SETD1A: variants seen among roughly 807,000 people sequenced by gnomAD.
The protein encoded by SETD1A is SET domain containing 1A, histone lysine methyltransferase.
In SETD1A, 29 loss-of-function variants were observed where a neutral mutation model predicts 149.9. The observed-to-expected ratio is 0.19, with a 90% CI of 0.14 to 0.26. The LOEUF (loss-of-function observed/expected upper bound fraction) is 0.26, where lower values mean the gene tolerates loss of function less well. Among genes scored for constraint, SETD1A ranks in the 10% least tolerant of loss-of-function variants. The pLI, the probability that SETD1A is intolerant of heterozygous loss-of-function variation, is 1.00. For missense variants in SETD1A, 2,109 were observed against 2,353.1 expected (o/e 0.90, Z 2.15); for synonymous variants, 1,141 against 968.5 (o/e 1.18, Z -3.31).
In SETD1A at chr16:30,969,644, G is replaced by C; in HGVS notation, c.2971G>C (p.Glu991Gln). The C allele has an allele frequency of 6.2e-7, 1 of 1,614,246 alleles. No homozygotes were observed. The highest frequency in any genetic ancestry group is 8.5e-7 in the Non-Finnish European group (1 of 1,180,034). Residue 991 changes from glutamate to glutamine, a missense_variant, in exon 12 of 19, where the codon GAG (glutamate) becomes CAG (glutamine). Transcript: ENST00000262519. ...GGAAGATGAGGAAGATGAAGATCGA[G>C]AGGAAGCTGTGGATACCACAAAGAA... ...DEEDEEDEDREEAVDTTKKET... is the reference protein window; with the variant it reads ...DEEDEEDEDRQEAVDTTKKET...
chr16:30,967,121 T>G, intron 9 of SETD1A, 61 bp downstream of exon 9: 4 of 1,250,416 alleles, frequency 3.2e-6, no homozygotes, highest in Non-Finnish European at 4.4e-6. Context: ...CCCCCTTCCT[T>G]GGGGTAGGGG....
chr16:30,983,621 T>C lies in SETD1A; in HGVS notation c.4813-14T>C. The stretch of plus-strand genomic sequence containing the variant: ...GGGGGACTCTTCCCTGACCATCGCA[T>C]CTCACCCTGGCAGATGGTGGCCGAC... On this transcript the variant is annotated splice_polypyrimidine_tract_variant and intron_variant, in intron 17 of 18. Coordinates refer to ENST00000262519, the MANE Select transcript of SETD1A (RefSeq NM_014712.3). The surrounding 1 kb of genome is among the most constrained non-coding windows in gnomAD (Gnocchi z 6.8). 1 of 1,609,952 alleles carries C rather than the reference T, an allele frequency of 6.2e-7. No individual in the cohort carries two copies. The highest frequency in any genetic ancestry group is 8.5e-7 in the Non-Finnish European group (1 of 1,178,976).
At chr16:30,971,804 A>C in intron 13 of SETD1A, 85 bp downstream of exon 13, 1 of 1,443,820 alleles carries the variant, frequency 6.9e-7, no homozygotes, top group East Asian at 2.5e-5. Context: ...ATTGTGTACA[A>C]GTGTGTGACT....
At chr16:30,960,701 C>T (rs1206621597) in intron 3 of SETD1A, among the ~76,000 whole-genome samples, 3 of 143,244 alleles carry the variant, frequency 2.1e-5, no homozygotes, top group African/African-American at 4.9e-5. Context: ...TATATTTATT[C>T]CTCAGTGTGT....
intron 3 of SETD1A, 87 bp downstream of exon 3, chr16:30,959,273 C>A: frequency 2.2e-6 from 2 of 907,736 alleles, no homozygotes; most frequent in Non-Finnish European, 1.9e-6. Context: ...AAAGGGTTTC[C>A]AATGAAAGGA....
chr16:30,969,904 G>C (rs2056203122), intron 12 of SETD1A, among the ~76,000 whole-genome samples: 1 of 152,304 alleles, frequency 6.6e-6, no homozygotes. Context: ...TCCCTCTTCT[G>C]CTGAGACATA....
chr16:30,969,807 T>G, intron 12 of SETD1A, 118 bp downstream of exon 12: 1 of 787,084 alleles, frequency 1.3e-6, no homozygotes, highest in Admixed American at 2.0e-5. Flanking sequence ...CTTTGCCTTC[T>G]GCAAGGGCAT....
chr16:30,973,313 C>T (rs1029800926), intron 13 of SETD1A, among the ~76,000 whole-genome samples: 22 of 152,080 alleles, frequency 1.4e-4, no homozygotes, highest in African/African-American at 5.1e-4. Flanking sequence ...TCTTAAGTGG[C>T]TATTGTAGAA....
chr16:30,960,543 G>A (rs957854589), intron 3 of SETD1A, among the ~76,000 whole-genome samples: 4 of 152,050 alleles, frequency 2.6e-5, no homozygotes, highest in African/African-American at 9.7e-5. Context: ...CCACTGGGTC[G>A]TGTTGTGTTT....
chr16:30,981,252 G>C, intron 17 of SETD1A, 72 bp downstream of exon 17: 1 of 1,583,386 alleles, frequency 6.3e-7, no homozygotes, highest in Admixed American at 1.7e-5. Context: ...CACACATGCT[G>C]TTTGTCCGGT....
Position 30,965,752 on chromosome 16 carries a change from G to A in SETD1A, c.1871G>A (p.Gly624Asp), listed in dbSNP as rs1320434514. 6.3e-7 allele frequency: 1 copy of A among 1,581,800 alleles called. No individual in the cohort carries two copies. Among genetic ancestry groups the A allele is most frequent in the African/African-American group, 1.4e-5 (1 of 72,516 alleles). ...CCCTACCTGGCGTCCCTTCCTCTTGGTTATCCTCCCCACCAACCTGCCTAC... is the reference window on the plus strand; with the variant it reads ...CCCTACCTGGCGTCCCTTCCTCTTGATTATCCTCCCCACCAACCTGCCTAC... ...PPPYLASLPL[G>D]YPPHQPAYLL... Residue 624 changes from glycine to aspartate, a missense_variant, in exon 8 of 19, where the codon GGT (glycine) becomes GAT (aspartate). Gly to Asp is a moderately conservative substitution (Grantham distance 94, BLOSUM62 -1). Around this residue, in one of 8 missense-constraint regions of SETD1A, gnomAD observed 431 missense variants for 388.6 expected, o/e 1.11. Coordinates refer to ENST00000262519, the MANE Select transcript of SETD1A (RefSeq NM_014712.3).
Position 30,980,319 on chromosome 16 carries a change from G to C in SETD1A, c.4408+125G>C. The stretch of plus-strand genomic sequence containing the variant: ...CCAAGCCATCTTTTCTCTCCTCCTG[G>C]TGCCTCTTTTCTGCCTTCCAAAGCA... On this transcript the variant is annotated intron_variant, in intron 14 of 18. Coordinates refer to ENST00000262519, the MANE Select transcript of SETD1A (RefSeq NM_014712.3). This position sits in a 1 kb window ranked among gnomAD's most constrained non-coding sequence, Gnocchi z 7.7. The C allele has an allele frequency of 2.1e-6, 3 of 1,437,442 alleles. No homozygotes were observed. The highest frequency in any genetic ancestry group is 2.8e-6 in the Non-Finnish European group (3 of 1,077,300). 89.0% of individuals were successfully genotyped at this position (1,437,442 alleles called of 1,614,324 possible).
At chr16:30,963,605 G>A (rs763688239) in intron 5 of SETD1A, 51 bp downstream of exon 5, 23 of 1,566,454 alleles carry the variant, frequency 1.5e-5, no homozygotes, top group Middle Eastern at 3.5e-4. Flanking sequence ...CATGGTGTCC[G>A]GGTGCCCGGA....
rs745509675 is a variant in SETD1A, at chr16:30,959,197, G to A, written c.246+11G>A. The stretch of plus-strand genomic sequence containing the variant: ...GTCCCTAAGTTTAAGGTAAGTGTCT[G>A]CTGGGCTCCTGGTGTGGTAGTCCTA... On this transcript the variant is annotated intron_variant, in intron 3 of 18. Transcript: ENST00000262519. 7 of 1,555,230 alleles carry A rather than the reference G, an allele frequency of 4.5e-6. No homozygotes were observed. Among genetic ancestry groups the A allele is most frequent in the Non-Finnish European group, 6.2e-6 (7 of 1,126,382 alleles).
chr16:30,961,226 T>A lies in SETD1A; in HGVS notation c.247-41T>A. 1.2e-6 allele frequency: 2 copies of A among 1,600,664 alleles called. No individual in the cohort carries two copies. The highest frequency in any genetic ancestry group is 8.5e-7 in the Non-Finnish European group (1 of 1,170,972). ...TTCCCGAAGGACAAAGGAACAGTGG[T>A]CAGTGTTGAGACCCCATACCAACTC... On this transcript the variant is annotated intron_variant, in intron 3 of 18. Coordinates refer to ENST00000262519, the MANE Select transcript of SETD1A (RefSeq NM_014712.3). The surrounding 1 kb of genome is among the most constrained non-coding windows in gnomAD (Gnocchi z 4.0).
rs1403769992 is a variant in SETD1A at position 30,983,057 on chromosome 16, C to G, written c.4813-578C>G. 6.6e-6 allele frequency among the ~76,000 whole-genome samples: 1 copy of G among 152,102 alleles called. No homozygotes were observed. Among genetic ancestry groups the G allele is most frequent in the Non-Finnish European group, 1.5e-5 (1 of 68,016 alleles). On this transcript the variant is annotated intron_variant, in intron 17 of 18. Coordinates refer to ENST00000262519, the MANE Select transcript of SETD1A (RefSeq NM_014712.3). This position sits in a 1 kb window ranked among gnomAD's most constrained non-coding sequence, Gnocchi z 6.8. Reference sequence around the variant, plus strand: ...CTGGAAATGGAAGTTTGGGAGGAGTCCCCACCACATAGCTGGCGGCTGAGG... The same window carrying G: ...CTGGAAATGGAAGTTTGGGAGGAGTGCCCACCACATAGCTGGCGGCTGAGG...
intron 10 of SETD1A, 113 bp downstream of exon 10, chr16:30,967,701 G>A (rs894518166): frequency 8.4e-6 from 7 of 829,994 alleles, no homozygotes; most frequent in Non-Finnish European, 1.2e-5. Flanking sequence ...AGGTGGAGGT[G>A]CAGGGTTGAA....
At chr16:30,964,376 C>G (rs2056104723) in intron 6 of SETD1A, 53 bp downstream of exon 6, 1 of 1,464,298 alleles carries the variant, frequency 6.8e-7, no homozygotes, top group Non-Finnish European at 9.5e-7. Context: ...GGAGCTGCCA[C>G]TGGGAAGAAG....
chr16:30,960,196 G>A (rs1266965775), intron 3 of SETD1A, among the ~76,000 whole-genome samples: 1 of 152,060 alleles, frequency 6.6e-6, no homozygotes, highest in African/African-American at 2.4e-5. Context: ...CTGCCTTGCT[G>A]TCATTTGTCT....
Sources: gnomAD v4.1 joint callset for allele counts (sites outside exome capture counted in the v4.1 genomes callset) on GRCh38, gnomAD v4.1.1 for gene constraint, gnomAD v4.1.1 regional missense constraint, Gnocchi (gnomAD v3.1) non-coding constraint, MANE v1.5 for transcripts, NCBI Gene and HGNC (gene_info 2026-07-23, HGNC 2026-07-21) for gene names.